The following LDAH variants were observed in gnomAD, a reference collection of about 807,000 sequenced individuals.
LDAH encodes lipid droplet-associated hydrolase.
In LDAH, 26 loss-of-function variants were observed where a neutral mutation model predicts 29.6. The ratio of observed to expected loss-of-function variants is 0.88; its 90% CI spans 0.64 to 1.22. The LOEUF (loss-of-function observed/expected upper bound fraction) is 1.22. LDAH is among the 50% of genes most tolerant of loss of function. The pLI is 0.00. For synonymous variants in LDAH, 117 were observed against 133.0 expected (o/e 0.88, Z 0.83); for missense variants, 344 against 387.3 (o/e 0.89, Z 0.94).
At chr2:20,802,298 A>T (rs569733882) in intron 1 of LDAH, among the ~76,000 whole-genome samples, 61 of 152,116 alleles carry the variant, frequency 4.0e-4, no homozygotes, top group African/African-American at 1.4e-3. Context: ...GATCTCAGAT[A>T]ATCCACCCAC....
At position 20,701,592 on chromosome 2, in the gene LDAH, G is replaced by A; in HGVS notation, c.764C>T (p.Thr255Ile). The A allele has an allele frequency of 6.2e-7, 1 of 1,613,932 alleles. No homozygotes were observed. The highest frequency in any genetic ancestry group is 8.5e-7 in the Non-Finnish European group (1 of 1,179,954). The change falls in exon 6 of 7, where the codon ACC (threonine) becomes ATC (isoleucine). Residue 255 changes from threonine to isoleucine, a missense_variant. By Grantham distance (89) the Thr-to-Ile change is moderately conservative. Transcript: ENST00000237822. ...MMEVVKRDDE[T>I]IKEHLCKLTF... ...TACCTTACATAAATGCTCCTTTATG[G>A]TTTCGTCATCTCTCTTCACCACCTC...
chr2:20,792,188 CTTCTAGGA>C, intron 2 of LDAH, among the ~76,000 whole-genome samples: 1 of 152,060 alleles, frequency 6.6e-6, no homozygotes, highest in East Asian at 1.9e-4. Flanking sequence ...TGAGTATAAC[CTTCTAGGA>C]ATATGTTATA....
intron 1 of LDAH, among the ~76,000 whole-genome samples, chr2:20,822,217 C>G (rs1022605570): frequency 3.3e-5 from 5 of 152,038 alleles, no homozygotes; most frequent in Admixed American, 2.6e-4. Flanking sequence ...CTCCACCTCC[C>G]GGGTTCACGC....
At chr2:20,820,578 C>T (rs2125178772) in intron 1 of LDAH, among the ~76,000 whole-genome samples, 1 of 152,096 alleles carries the variant, frequency 6.6e-6, no homozygotes, top group East Asian at 1.9e-4. Context: ...AAAGCTGAAA[C>T]TGGATCCCTT....
chr2:20,725,567 G>A (rs1665953448), intron 5 of LDAH, among the ~76,000 whole-genome samples: 1 of 152,220 alleles, frequency 6.6e-6, no homozygotes, highest in African/African-American at 2.4e-5. Context: ...TGAATCTCAA[G>A]ACCATCTTGC....
At chr2:20,771,343 G>T (rs1669398495) in intron 4 of LDAH, among the ~76,000 whole-genome samples, 1 of 152,124 alleles carries the variant, frequency 6.6e-6, no homozygotes, top group South Asian at 2.1e-4. Flanking sequence ...TCTTACAAGA[G>T]TCAAATATTC....
At chr2:20,734,863 T>G (rs4971546) in intron 5 of LDAH, among the ~76,000 whole-genome samples, 1 of 152,086 alleles carries the variant, frequency 6.6e-6, no homozygotes, top group Non-Finnish European at 1.5e-5. Context: ...TTTGAGAATG[T>G]TAAATTTCCC....
At position 20,712,294 on chromosome 2, in the gene LDAH, C is replaced by A. The variant is rs558992831; in HGVS notation, c.704-10642G>T. Among the ~76,000 whole-genome samples, 5 of 152,248 alleles carry A rather than the reference C, an allele frequency of 3.3e-5. No individual in the cohort carries two copies. The South Asian group carries it at 6.2e-4, about 19-fold the overall frequency. On this transcript the variant is annotated intron_variant, in intron 5 of 6. Transcript: ENST00000237822. Reference sequence around the variant, plus strand: ...CTCCAACAGACCTGCGGCTGAGAGACCTGACTGTTAGAAGGAAAACTAACA... The same window carrying A: ...CTCCAACAGACCTGCGGCTGAGAGAACTGACTGTTAGAAGGAAAACTAACA...
chr2:20,684,660 C>A lies in LDAH; in HGVS notation c.*2243G>T. Reference sequence around the variant, plus strand: ...CCCTTGGTGGCCATGGACATCAGGCCACACAAGCCACAGAGGGCTTGTGGA... The same window carrying A: ...CCCTTGGTGGCCATGGACATCAGGCAACACAAGCCACAGAGGGCTTGTGGA... On this transcript the variant is annotated 3_prime_UTR_variant, in exon 7 of 7. Coordinates refer to ENST00000237822, the MANE Select transcript of LDAH (RefSeq NM_021925.4). 1 of 432,292 alleles carries A rather than the reference C, an allele frequency of 2.3e-6. No individual in the cohort carries two copies. The allele number at this position is 432,292 out of a possible 1,614,324, so 26.8% of individuals were successfully genotyped here.
chr2:20,778,175 T>C (rs1669944295), intron 3 of LDAH, among the ~76,000 whole-genome samples: 1 of 152,122 alleles, frequency 6.6e-6, no homozygotes, highest in Non-Finnish European at 1.5e-5. Flanking sequence ...CTAAGAAAAA[T>C]TCTTCTGCCT....
chr2:20,789,550 T>C (rs1008630245), intron 3 of LDAH, among the ~76,000 whole-genome samples: 7 of 152,194 alleles, frequency 4.6e-5, no homozygotes, highest in Admixed American at 1.3e-4. Context: ...TCTCCTTTGT[T>C]TACCCCTTAG....
chr2:20,765,887 G>T (rs1271766022), intron 4 of LDAH, among the ~76,000 whole-genome samples: 1 of 152,128 alleles, frequency 6.6e-6, no homozygotes, highest in African/African-American at 2.4e-5. Flanking sequence ...TATCTTATTG[G>T]TGAAAGTAAG....
chr2:20,783,261 T>C lies in LDAH; in HGVS notation c.298+6994A>G, dbSNP rs555427844. Among the ~76,000 whole-genome samples the C allele has an allele frequency of 3.3e-5, 5 of 152,344 alleles. No homozygotes were observed. In the East Asian group the frequency reaches 9.6e-4, roughly 29 times the overall value. On this transcript the variant is annotated intron_variant, in intron 3 of 6. Transcript: ENST00000237822. ...GAATGTAGTCTATCTTGGTGAATGCTCCATGTGTGCTTGAGAAGACTATGT... is the reference window on the plus strand; with the variant it reads ...GAATGTAGTCTATCTTGGTGAATGCCCCATGTGTGCTTGAGAAGACTATGT...
intron 5 of LDAH, among the ~76,000 whole-genome samples, chr2:20,726,602 T>A (rs1666033402): frequency 6.6e-6 from 1 of 152,226 alleles, no homozygotes; most frequent in African/African-American, 2.4e-5. Flanking sequence ...CAGGTTGTTT[T>A]CCACCTTTCC....
chr2:20,818,570 C>CA (rs576177164), intron 1 of LDAH, among the ~76,000 whole-genome samples: 4 of 146,378 alleles, frequency 2.7e-5, no homozygotes, highest in Non-Finnish European at 4.5e-5. Flanking sequence ...AAAACTACTG[C>CA]TTTTTTTTTT....
intron 3 of LDAH, among the ~76,000 whole-genome samples, chr2:20,788,724 C>A (rs1358525767): frequency 6.6e-6 from 1 of 152,136 alleles, no homozygotes; most frequent in Non-Finnish European, 1.5e-5. Flanking sequence ...AAAGGAAACC[C>A]CCTAGGACAA....
chr2:20,754,020 T>C (rs535731949), intron 4 of LDAH, among the ~76,000 whole-genome samples: 4 of 152,178 alleles, frequency 2.6e-5, no homozygotes, highest in East Asian at 1.9e-4. Context: ...GAATATTGAG[T>C]TCTAATGGGT....
At chr2:20,784,038 T>C (rs1670385313) in intron 3 of LDAH, among the ~76,000 whole-genome samples, 1 of 152,172 alleles carries the variant, frequency 6.6e-6, no homozygotes, top group Non-Finnish European at 1.5e-5. Flanking sequence ...GTAGACAACA[T>C]ATAGTTGGAT....
intron 5 of LDAH, among the ~76,000 whole-genome samples, chr2:20,736,770 C>CTT (rs147152256): frequency 0.031 from 4,755 of 152,152 alleles, 250 homozygotes; most frequent in African/African-American, 0.11. Context: ...GCACAACAAA[C>CTT]TTGTCTTGTG....
Sources: gnomAD v4.1 joint callset for allele counts (sites outside exome capture counted in the v4.1 genomes callset) on GRCh38, gnomAD v4.1.1 for gene constraint, MANE v1.5 for transcripts, NCBI Gene and HGNC (gene_info 2026-07-23, HGNC 2026-07-21) for gene names.